The following PCED1B variants were observed in gnomAD, a reference collection of about 807,000 sequenced individuals.
PCED1B encodes PC-esterase domain containing 1B, also known as PC-esterase domain-containing protein 1B.
For missense variants in PCED1B, 573 were observed against 573.9 expected (o/e 1.00, Z 0.02); for synonymous variants, 251 against 246.1 (o/e 1.02, Z -0.19).
rs569693146 is a variant in PCED1B at position 47,107,328 on chromosome 12, T to A, written c.-526+3133T>A. The stretch of plus-strand genomic sequence containing the variant: ...TGTATCCATGAACCATTGTATTGCC[T>A]CTCCCGGCATGTCTGTGAGAGAAGG... On this transcript the variant is annotated intron_variant, in intron 2 of 3. Transcript: ENST00000546455. Among the ~76,000 whole-genome samples the A allele has an allele frequency of 4.6e-5, 7 of 151,838 alleles. No homozygotes were observed. In the East Asian group the frequency reaches 1.4e-3, roughly 29 times the overall value.
intron 2 of PCED1B, among the ~76,000 whole-genome samples, chr12:47,147,363 A>C (rs1608825): frequency 0.1 from 15,137 of 152,040 alleles, 1,463 homozygotes; most frequent in African/African-American, 0.25. Flanking sequence ...AGCCATAAAC[A>C]CAATTCGGCC....
At chr12:47,146,998 C>CTTTTTTTTTT (rs59400736) in intron 2 of PCED1B, among the ~76,000 whole-genome samples, 93 of 98,990 alleles carry the variant, frequency 9.4e-4, no homozygotes, top group Non-Finnish European at 1.4e-3. Flanking sequence ...GTTCATTGCT[C>CTTTTTTTTTT]TTTTTTTTTT....
At chr12:47,198,558 T>C (rs112045503) in intron 2 of PCED1B, among the ~76,000 whole-genome samples, 4 of 150,628 alleles carry the variant, frequency 2.7e-5, no homozygotes, top group Non-Finnish European at 5.9e-5. Context: ...CCCTAACTAA[T>C]GCAGTAAGAC....
At chr12:47,176,654 G>A (rs116535990) in intron 2 of PCED1B, among the ~76,000 whole-genome samples, 1,613 of 152,266 alleles carry the variant, frequency 0.011, 25 homozygotes, top group African/African-American at 0.037. Flanking sequence ...AGCCATTCTA[G>A]TAAATTATCG....
chr12:47,100,723 T>A (rs1938664974), intron 1 of PCED1B, among the ~76,000 whole-genome samples: 2 of 152,204 alleles, frequency 1.3e-5, no homozygotes, highest in African/African-American at 4.8e-5. Context: ...CAGACTGGAT[T>A]GTGGTAATAA....
intron 2 of PCED1B, among the ~76,000 whole-genome samples, chr12:47,105,239 G>C (rs561674847): frequency 1.3e-5 from 2 of 152,084 alleles, no homozygotes; most frequent in South Asian, 4.1e-4. Context: ...CAGAGTGAAC[G>C]CGGTGGGGGG....
chr12:47,125,634 C>G (rs967747658), intron 2 of PCED1B, among the ~76,000 whole-genome samples: 2 of 151,932 alleles, frequency 1.3e-5, no homozygotes, highest in African/African-American at 4.8e-5. Context: ...TCTTCTGAAC[C>G]ATAAACGTGG....
intron 2 of PCED1B, among the ~76,000 whole-genome samples, chr12:47,204,195 C>T (rs10161222): frequency 0.085 from 12,891 of 152,070 alleles, 1,716 homozygotes; most frequent in African/African-American, 0.29. Flanking sequence ...ATGATCTGCC[C>T]GCTTCGGCAT....
intron 1 of PCED1B, among the ~76,000 whole-genome samples, chr12:47,097,218 C>G (rs1938515754): frequency 6.6e-6 from 1 of 152,124 alleles, no homozygotes; most frequent in Non-Finnish European, 1.5e-5. Flanking sequence ...CCAGAAATAC[C>G]TAAAATAACT....
At chr12:47,136,089 T>TC (rs898475304) in intron 2 of PCED1B, 1 of 146,348 alleles carries the variant, frequency 6.8e-6, no homozygotes, top group Non-Finnish European at 1.5e-5. Flanking sequence ...TTCTTTCTTT[T>TC]TTTTTTTTTT....
In PCED1B at chr12:47,235,986, A is replaced by G. The variant is rs1316561048; in HGVS notation, c.923A>G (p.Gln308Arg). The part of the protein sequence containing the change: ...TYRPLLGFPP[Q>R]RLPLLPLLSP... ...CGCCCCCTGCTTGGGTTCCCACCCC[A>G]GCGCTTGCCGCTGCTCCCGCTCCTG... Residue 308 changes from glutamine (Q) to arginine (R), a missense_variant, in exon 4 of 4, where the codon CAG becomes CGG. Gln to Arg is a conservative substitution (Grantham distance 43). Coordinates refer to ENST00000546455, the MANE Select transcript of PCED1B (RefSeq NM_138371.3). 3 of 1,569,618 alleles carry G rather than the reference A, an allele frequency of 1.9e-6. No homozygotes were observed. The highest frequency in any genetic ancestry group is 1.7e-6 in the Non-Finnish European group (2 of 1,157,428).
chr12:47,135,614 CA>C, intron 2 of PCED1B: 1 of 503,432 alleles, frequency 2.0e-6, no homozygotes, highest in South Asian at 1.6e-5. Flanking sequence ...CCAGTCAGGT[CA>C]CCAACCATCT....
chr12:47,131,903 G>A (rs777256885), intron 2 of PCED1B, among the ~76,000 whole-genome samples: 6 of 151,936 alleles, frequency 3.9e-5, no homozygotes, highest in Non-Finnish European at 5.9e-5. Context: ...TCCTGACCTC[G>A]TGATCCGCCC....
rs774214450 is a variant in PCED1B, at chr12:47,235,636, C to A, written c.573C>A (p.Asn191Lys). The A allele has an allele frequency of 6.2e-7, 1 of 1,610,440 alleles. No individual in the cohort carries two copies. The highest frequency in any genetic ancestry group is 8.5e-7 in the Non-Finnish European group (1 of 1,178,512). The change falls in exon 4 of 4, where the codon AAC (asparagine) becomes AAA (lysine). Residue 191 changes from asparagine to lysine, a missense_variant. By Grantham distance (94) the Asn-to-Lys change is moderately conservative. Coordinates refer to ENST00000546455, the MANE Select transcript of PCED1B (RefSeq NM_138371.3). ...GGCAGAAGGCCACCTTCCTGAAAAA[C>A]GAAGTGGTCAAAGCCAACTTCCACA... ...LRRQKATFLK[N>K]EVVKANFHSA...
rs1943994058 is a variant in PCED1B, at chr12:47,236,553, G to A, written c.*191G>A. On this transcript the variant is annotated 3_prime_UTR_variant, in exon 4 of 4. Coordinates refer to ENST00000546455, the MANE Select transcript of PCED1B (RefSeq NM_138371.3). ...GCCTGACTCATTCTTCTTGGCTGCA[G>A]CCTCTTCCCCACTTCCTGGGAGTGA... 3 of 578,480 alleles carry A rather than the reference G, an allele frequency of 5.2e-6. No individual in the cohort carries two copies. In the South Asian group the frequency reaches 9.6e-5, roughly 19 times the overall value. 35.8% of individuals were successfully genotyped at this position (578,480 alleles called of 1,614,324 possible). A position where few individuals can be genotyped will look rare whatever the true frequency, so the allele number is the denominator to read the frequency against.
At chr12:47,197,772 C>A (rs1357207254) in intron 2 of PCED1B, among the ~76,000 whole-genome samples, 1 of 151,740 alleles carries the variant, frequency 6.6e-6, no homozygotes, top group Non-Finnish European at 1.5e-5. Context: ...CAACTCTATG[C>A]CCACAAATAT....
At chr12:47,171,184 C>A (rs1477155958) in intron 2 of PCED1B, among the ~76,000 whole-genome samples, 2 of 151,550 alleles carry the variant, frequency 1.3e-5, no homozygotes, top group Non-Finnish European at 1.5e-5. Context: ...TGCTCTGCCT[C>A]AGCCTCCTGA....
intron 2 of PCED1B, among the ~76,000 whole-genome samples, chr12:47,146,440 A>G (rs913833751): frequency 1.3e-5 from 2 of 152,204 alleles, no homozygotes; most frequent in Non-Finnish European, 1.5e-5. Flanking sequence ...GTAAAATGCT[A>G]TCAAACAGCA....
At chr12:47,108,483 T>C (rs1410089501) in intron 2 of PCED1B, among the ~76,000 whole-genome samples, 1 of 152,212 alleles carries the variant, frequency 6.6e-6, no homozygotes, top group South Asian at 2.1e-4. Context: ...TCAGATTGTG[T>C]TTTTCCCCAC....
Sources: gnomAD v4.1 joint callset for allele counts (sites outside exome capture counted in the v4.1 genomes callset) on GRCh38, gnomAD v4.1.1 for gene constraint, MANE v1.5 for transcripts, NCBI Gene and HGNC (gene_info 2026-07-23, HGNC 2026-07-21) for gene names.